DCDC1: variants seen among roughly 807,000 people sequenced by gnomAD.
DCDC1 encodes the protein doublecortin domain-containing protein 1.
A neutral mutation model predicts 178.3 loss-of-function variants in DCDC1; 200 were observed. The observed-to-expected ratio is 1.12, with a 90% CI of 1.00 to 1.26. The LOEUF is 1.26. DCDC1 is among the 50% of genes most tolerant of loss of function. The pLI is 0.00. For synonymous variants in DCDC1, 690 were observed against 604.8 expected, an observed-to-expected ratio of 1.14 and a Z score of -2.07; for missense variants, 1,983 against 1,749.2, an observed-to-expected ratio of 1.13 and a Z score of -2.38.
chr11:31,002,463 C>T (rs1479179535), intron 20 of DCDC1, among the ~76,000 whole-genome samples: 1 of 152,096 alleles, frequency 6.6e-6, no homozygotes, highest in Non-Finnish European at 1.5e-5. Flanking sequence ...AAAGAGCCCT[C>T]CAATACACCC....
At chr11:31,216,356 T>C (rs1973562332) in intron 9 of DCDC1, among the ~76,000 whole-genome samples, 2 of 152,154 alleles carry the variant, frequency 1.3e-5, no homozygotes, top group South Asian at 2.1e-4. Context: ...ATTTATGCTG[T>C]AAAAGCTTAT....
intron 10 of DCDC1, among the ~76,000 whole-genome samples, chr11:31,134,564 C>G (rs1293253036): frequency 6.6e-6 from 1 of 152,194 alleles, no homozygotes; most frequent in African/African-American, 2.4e-5. Context: ...TTATCCAGTG[C>G]TCTCTCCATT....
At chr11:31,328,341 CA>C in intron 2 of DCDC1, 55 bp from the exon 3 acceptor site, 6 of 1,469,284 alleles carry the variant, frequency 4.1e-6, no homozygotes, top group Non-Finnish European at 5.4e-6. Flanking sequence ...TACTAGATTA[CA>C]AATAGAGGCT....
intron 9 of DCDC1, among the ~76,000 whole-genome samples, chr11:31,210,799 T>C (rs1972439467): frequency 6.6e-6 from 1 of 151,970 alleles, no homozygotes; most frequent in African/African-American, 2.4e-5. Flanking sequence ...TCTTTTCATA[T>C]ATTAATTCAT....
rs547210420 is a variant in DCDC1 at position 30,945,690 on chromosome 11, T to A, written c.2715+6755A>T. Among the ~76,000 whole-genome samples the A allele has an allele frequency of 7.2e-3, 1,081 of 149,774 alleles. 8 individuals carry two copies. The highest frequency in any genetic ancestry group is 0.012 in the Non-Finnish European group (835 of 67,384). ...CCGGGGTAACAAGAGCAAAACTCCA[T>A]CTCAAAAATCTATCTATCTATCTAT... On this transcript the variant is annotated intron_variant, in intron 21 of 38. Transcript: ENST00000684477.
intron 9 of DCDC1, among the ~76,000 whole-genome samples, chr11:31,164,499 C>T (rs1200447151): frequency 6.6e-6 from 1 of 151,884 alleles, no homozygotes; most frequent in Non-Finnish European, 1.5e-5. Flanking sequence ...TCATCCTGAC[C>T]CTGAATAGGC....
intron 3 of DCDC1, among the ~76,000 whole-genome samples, chr11:31,309,821 T>C (rs1433400886): frequency 1.3e-5 from 2 of 152,244 alleles, no homozygotes; most frequent in African/African-American, 4.8e-5. Context: ...AATCATGTTA[T>C]ATCCTCAATT....
chr11:30,967,132 C>A (rs1237691971), intron 20 of DCDC1, among the ~76,000 whole-genome samples: 2 of 80,822 alleles, frequency 2.5e-5, no homozygotes, highest in African/African-American at 9.9e-5. Flanking sequence ...TTTTCCAATT[C>A]TGTGAAGAAA....
intron 7 of DCDC1, among the ~76,000 whole-genome samples, chr11:31,284,830 G>T (rs538096171): frequency 6.6e-6 from 1 of 151,718 alleles, no homozygotes; most frequent in South Asian, 2.1e-4. Context: ...GTAGAGACAG[G>T]GTTTCACCAT....
At chr11:31,341,597 C>A (rs532017741) in intron 1 of DCDC1, among the ~76,000 whole-genome samples, 37 of 152,104 alleles carry the variant, frequency 2.4e-4, no homozygotes, top group Non-Finnish European at 4.1e-4. Context: ...CAAACCTGTA[C>A]AGCATGTAAC....
At chr11:31,275,573 C>A (rs554980489) in intron 7 of DCDC1, among the ~76,000 whole-genome samples, 6 of 152,062 alleles carry the variant, frequency 3.9e-5, no homozygotes, top group Non-Finnish European at 8.8e-5. Flanking sequence ...GGCTTGATCT[C>A]GGCTCACTGC....
chr11:31,060,235 G>A (rs289081), intron 20 of DCDC1, among the ~76,000 whole-genome samples: 5,181 of 152,070 alleles, frequency 0.034, 283 homozygotes, highest in African/African-American at 0.12. Context: ...CATAATTATA[G>A]CAGAAGGACT....
chr11:31,361,466 A>T (rs1951705338), intron 1 of DCDC1, among the ~76,000 whole-genome samples: 1 of 152,184 alleles, frequency 6.6e-6, no homozygotes, highest in African/African-American at 2.4e-5. Flanking sequence ...CGTTAGTAAA[A>T]TTGAACCAAA....
intron 15 of DCDC1, among the ~76,000 whole-genome samples, chr11:31,095,014 A>C (rs1326450916): frequency 6.6e-6 from 1 of 151,454 alleles, no homozygotes; most frequent in Non-Finnish European, 1.5e-5. Flanking sequence ...TCATTGTTCA[A>C]CTCCCACTTA....
intron 18 of DCDC1, among the ~76,000 whole-genome samples, chr11:31,065,794 G>A (rs757086679): frequency 6.6e-6 from 1 of 152,190 alleles, no homozygotes; most frequent in Non-Finnish European, 1.5e-5. Context: ...GCCACCCATT[G>A]TTGACTCTCA....
At chr11:31,212,837 G>C (rs1412279218) in intron 9 of DCDC1, among the ~76,000 whole-genome samples, 4 of 152,018 alleles carry the variant, frequency 2.6e-5, no homozygotes, top group Non-Finnish European at 5.9e-5. Context: ...CTGTGTACAA[G>C]GACATTAACT....
intron 20 of DCDC1, among the ~76,000 whole-genome samples, chr11:31,003,605 A>G (rs1243227896): frequency 6.6e-6 from 1 of 152,236 alleles, no homozygotes; most frequent in Non-Finnish European, 1.5e-5. Flanking sequence ...TAATGAAAAT[A>G]AGGAGGAAAG....
At chr11:31,305,943 G>T in intron 5 of DCDC1, 166 bp from the exon 6 acceptor site, 1 of 828,684 alleles carries the variant, frequency 1.2e-6, no homozygotes, top group Non-Finnish European at 1.8e-6. Context: ...GTAAGTCACA[G>T]CATGAAGCAT....
At chr11:31,147,748 T>C (rs1295648309) in intron 9 of DCDC1, among the ~76,000 whole-genome samples, 1 of 152,190 alleles carries the variant, frequency 6.6e-6, no homozygotes, top group African/African-American at 2.4e-5. Context: ...CAGGCTAACT[T>C]AGGCAAAACC....
Sources: allele counts gnomAD v4.1 joint callset (sites outside exome capture counted in the v4.1 genomes callset), GRCh38; gene constraint gnomAD v4.1.1; transcripts MANE v1.5; gene names NCBI Gene and HGNC (gene_info 2026-07-23, HGNC 2026-07-21).